PRR16: variants seen among roughly 807,000 people sequenced by gnomAD.
PRR16 encodes protein Largen.
Under a neutral mutation model 18.2 loss-of-function variants are expected in PRR16, and 6 were observed. That is an observed-to-expected ratio of 0.33 (90% CI 0.18 to 0.65). The LOEUF is 0.65. PRR16 is among the 30% of genes least tolerant of loss of function. PRR16 has a pLI of 0.74. For synonymous variants in PRR16, 151 were observed against 147.8 expected (o/e 1.02, Z -0.16); for missense variants, 412 against 376.6 (o/e 1.09, Z -0.78).
At chr5:120,631,935 C>A (rs1755069350) in intron 1 of PRR16, among the ~76,000 whole-genome samples, 1 of 152,162 alleles carries the variant, frequency 6.6e-6, no homozygotes, top group African/African-American at 2.4e-5. Flanking sequence ...CAACACAAAA[C>A]CAGCACACTA....
At chr5:120,681,534 C>T (rs374133188) in intron 1 of PRR16, among the ~76,000 whole-genome samples, 2 of 152,102 alleles carry the variant, frequency 1.3e-5, no homozygotes, top group Non-Finnish European at 2.9e-5. Context: ...GTAATCAATG[C>T]ATAACTTGAC....
chr5:120,703,439 T>C, the PRR16 span, among the ~76,000 whole-genome samples: 1 of 152,228 alleles, frequency 6.6e-6, no homozygotes. Context: ...CGAAGCCTAG[T>C]GAACTGAAGC....
At chr5:120,625,521 A>G (rs750992510) in intron 1 of PRR16, among the ~76,000 whole-genome samples, 3 of 152,048 alleles carry the variant, frequency 2.0e-5, no homozygotes, top group Non-Finnish European at 2.9e-5. Context: ...AATTTTTGGT[A>G]GAGACAGGTT....
intron 1 of PRR16, among the ~76,000 whole-genome samples, chr5:120,650,764 T>G (rs1370107180): frequency 6.6e-6 from 1 of 152,144 alleles, no homozygotes; most frequent in Non-Finnish European, 1.5e-5. Flanking sequence ...TCTTTGCTGT[T>G]GTGAATAGTG....
chr5:120,700,738 T>C, the PRR16 span, among the ~76,000 whole-genome samples: 2 of 152,130 alleles, frequency 1.3e-5, no homozygotes, highest in South Asian at 2.1e-4. Flanking sequence ...GTGGAGTGGG[T>C]AGCCTCCGTG....
chr5:120,715,072 A>C, the PRR16 span, among the ~76,000 whole-genome samples: 2 of 152,180 alleles, frequency 1.3e-5, no homozygotes. Flanking sequence ...CTATGTAACA[A>C]AACTGCACAT....
chr5:120,784,779 T>C, the PRR16 span, among the ~76,000 whole-genome samples: 6 of 152,224 alleles, frequency 3.9e-5, no homozygotes, highest in Non-Finnish European at 8.8e-5. Context: ...TTTTACATTT[T>C]TTGCTAATTC....
chr5:120,574,636 C>A (rs1753017047), intron 1 of PRR16, among the ~76,000 whole-genome samples: 1 of 140,058 alleles, frequency 7.1e-6, no homozygotes, highest in Admixed American at 6.8e-5. Context: ...AAAAGGATAT[C>A]CAAATTAACC....
chr5:120,697,266 T>TAAAG, the PRR16 span, among the ~76,000 whole-genome samples: 1 of 152,182 alleles, frequency 6.6e-6, no homozygotes, highest in Admixed American at 6.5e-5. Flanking sequence ...TTCATACATT[T>TAAAG]AAAGATCCAT....
chr5:120,774,030 T>C, the PRR16 span, among the ~76,000 whole-genome samples: 2 of 151,252 alleles, frequency 1.3e-5, no homozygotes, highest in African/African-American at 2.4e-5. Context: ...CTGCAAATGG[T>C]AGTATTACTA....
the PRR16 span, among the ~76,000 whole-genome samples, chr5:120,788,863 G>T: frequency 6.6e-6 from 1 of 151,618 alleles, no homozygotes; most frequent in African/African-American, 2.4e-5. Context: ...CTTTTTGATT[G>T]TTCATTTAGA....
the PRR16 span, among the ~76,000 whole-genome samples, chr5:120,749,593 A>G: frequency 1.3e-5 from 2 of 152,168 alleles, no homozygotes; most frequent in African/African-American, 2.4e-5. Flanking sequence ...GCTATTCTCA[A>G]TAGGCATTTT....
At chr5:120,655,441 TAAAA>T (rs1273934224) in intron 1 of PRR16, among the ~76,000 whole-genome samples, 3 of 148,438 alleles carry the variant, frequency 2.0e-5, no homozygotes, top group African/African-American at 7.4e-5. Context: ...AAATAAAGCA[TAAAA>T]AGAGATGGAC....
intron 1 of PRR16, among the ~76,000 whole-genome samples, chr5:120,566,752 C>T (rs563335723): frequency 2.6e-4 from 39 of 152,286 alleles, no homozygotes; most frequent in African/African-American, 8.9e-4. Context: ...CTCTCAATGT[C>T]CATGCTTGTC....
the PRR16 span, among the ~76,000 whole-genome samples, chr5:120,736,273 T>G: frequency 6.6e-6 from 1 of 152,186 alleles, no homozygotes; most frequent in African/African-American, 2.4e-5. Context: ...TTTGCTTTTC[T>G]TTTTAATTTT....
the PRR16 span, among the ~76,000 whole-genome samples, chr5:120,740,153 T>C: frequency 6.6e-6 from 1 of 152,168 alleles, no homozygotes; most frequent in African/African-American, 2.4e-5. Context: ...TGGTCTTTGC[T>C]TTTCTTCTGT....
At chr5:120,538,772 T>C (rs539609520) in intron 1 of PRR16, among the ~76,000 whole-genome samples, 1 of 152,316 alleles carries the variant, frequency 6.6e-6, no homozygotes, top group African/African-American at 2.4e-5. Flanking sequence ...TCTTGTTCTT[T>C]AAGGTATCAG....
chr5:120,630,694 T>C (rs1755023549), intron 1 of PRR16, among the ~76,000 whole-genome samples: 1 of 152,120 alleles, frequency 6.6e-6, no homozygotes, highest in Admixed American at 6.6e-5. Context: ...CTAGGTTCCT[T>C]CTTTGATTGA....
chr5:120,538,723 G>T (rs1404441779), intron 1 of PRR16, among the ~76,000 whole-genome samples: 1 of 152,126 alleles, frequency 6.6e-6, no homozygotes, highest in African/African-American at 2.4e-5. Context: ...AAAGAAGGTT[G>T]TCCTTGCTTC....
Sources: gnomAD v4.1 joint callset for allele counts (sites outside exome capture counted in the v4.1 genomes callset) on GRCh38, gnomAD v4.1.1 for gene constraint, MANE v1.5 for transcripts, NCBI Gene and HGNC (gene_info 2026-07-23, HGNC 2026-07-21) for gene names.